Variants in C2orf76 observed in about 807,000 individuals in gnomAD.
C2orf76 encodes the protein chromosome 2 open reading frame 76.
A neutral mutation model predicts 16.9 loss-of-function variants in C2orf76; 23 were observed. That is an observed-to-expected ratio of 1.36 (90% CI 0.98 to 1.93). The LOEUF (loss-of-function observed/expected upper bound fraction) is 1.93, where lower values mean the gene tolerates loss of function less well. Among genes scored for constraint, C2orf76 ranks in the 30% most tolerant of loss-of-function variants. The pLI, the probability that C2orf76 is intolerant of heterozygous loss-of-function variation, is 0.00. For missense variants in C2orf76, 152 were observed against 152.6 expected, an observed-to-expected ratio of 1.00 and a Z score of 0.02; for synonymous variants, 48 against 52.3, an observed-to-expected ratio of 0.92 and a Z score of 0.35.
At chr2:119,285,854 G>T in the C2orf76 span, among the ~76,000 whole-genome samples, 1 of 152,318 alleles carries the variant, frequency 6.6e-6, no homozygotes, top group East Asian at 1.9e-4. Context: ...CCCAGTGTGT[G>T]CAGGCCATGG....
intron 2 of C2orf76, among the ~76,000 whole-genome samples, chr2:119,330,659 C>T (rs1679648748): frequency 6.6e-6 from 1 of 152,004 alleles, no homozygotes; most frequent in African/African-American, 2.4e-5. Flanking sequence ...TTCTGTCCCC[C>T]GTCCCTCTCT....
chr2:119,300,226 CCACA>C (rs1476165502), downstream of C2orf76, among the ~76,000 whole-genome samples: 3 of 152,174 alleles, frequency 2.0e-5, no homozygotes, highest in Non-Finnish European at 4.4e-5. Flanking sequence ...AAATTAACTA[CCACA>C]CCATATTTGC....
At chr2:119,308,724 A>G (rs1032963401) in intron 5 of C2orf76, among the ~76,000 whole-genome samples, 1 of 152,226 alleles carries the variant, frequency 6.6e-6, no homozygotes, top group Non-Finnish European at 1.5e-5. Flanking sequence ...ATCAAGCTCT[A>G]CATCAGTGCT....
At chr2:119,367,064 C>T (rs1408938500), upstream of C2orf76, 1 of 1,614,052 alleles carries the variant, frequency 6.2e-7, no homozygotes, top group South Asian at 1.1e-5. Context: ...GTCTCAGGTA[C>T]AGCGCGTGCA....
chr2:119,302,569 G>A, intron 5 of C2orf76, 21 bp from the exon 6 acceptor site: 1 of 1,444,952 alleles, frequency 6.9e-7, no homozygotes, highest in Admixed American at 2.1e-5. Context: ...ACAGAAAATG[G>A]AAAAAAAGAT....
chr2:119,339,575 T>TA (rs11443971), intron 2 of C2orf76, among the ~76,000 whole-genome samples: 61,941 of 141,528 alleles, frequency 0.44, 13,291 homozygotes, highest in Non-Finnish European at 0.49. Flanking sequence ...TACTTTTAAT[T>TA]AAAAAAAAAA....
intron 1 of C2orf76, 74 bp from the exon 2 acceptor site, chr2:119,340,045 C>G: frequency 1.3e-6 from 2 of 1,502,774 alleles, no homozygotes. Context: ...GCCTGCATCT[C>G]TATCAGCTCT....
intron 2 of C2orf76, among the ~76,000 whole-genome samples, chr2:119,338,046 A>G (rs961392131): frequency 6.6e-6 from 1 of 152,234 alleles, no homozygotes; most frequent in Non-Finnish European, 1.5e-5. Context: ...ATTATAAAAT[A>G]AAAAAGTACG....
At chr2:119,296,968 T>C in the C2orf76 span, among the ~76,000 whole-genome samples, 2 of 152,230 alleles carry the variant, frequency 1.3e-5, no homozygotes, top group African/African-American at 4.8e-5. Flanking sequence ...AGACCTGCTC[T>C]TTGACTTATC....
At chr2:119,350,080 CCCCA>C in intron 1 of C2orf76, among the ~76,000 whole-genome samples, 1 of 129,618 alleles carries the variant, frequency 7.7e-6, no homozygotes, top group Non-Finnish European at 1.7e-5. Context: ...CCCCCCGCCC[CCCCA>C]CCGTCCCGCG....
intron 5 of C2orf76, among the ~76,000 whole-genome samples, chr2:119,304,569 T>A (rs906260916): frequency 1.3e-5 from 2 of 152,234 alleles, no homozygotes; most frequent in African/African-American, 4.8e-5. Context: ...AGATTTTATT[T>A]TCAGATGACT....
the C2orf76 span, among the ~76,000 whole-genome samples, chr2:119,293,417 G>A: frequency 8.5e-5 from 13 of 152,186 alleles, no homozygotes; most frequent in South Asian, 1.0e-3. Context: ...GCCCTGGGGC[G>A]TGCATATGTT....
At chr2:119,363,612 G>A (rs188993336) in intron 1 of C2orf76, among the ~76,000 whole-genome samples, 2 of 152,206 alleles carry the variant, frequency 1.3e-5, no homozygotes, top group Non-Finnish European at 2.9e-5. Flanking sequence ...TCCTGAAATC[G>A]TAGTTCATTT....
chr2:119,339,993 C>A, intron 1 of C2orf76, 22 bp from the exon 2 acceptor site: 1 of 1,596,652 alleles, frequency 6.3e-7, no homozygotes, highest in Middle Eastern at 1.7e-4. Flanking sequence ...GACATGAGAA[C>A]CATCTAAATG....
At chr2:119,284,493 C>T in the C2orf76 span, among the ~76,000 whole-genome samples, 1 of 152,116 alleles carries the variant, frequency 6.6e-6, no homozygotes, top group South Asian at 2.1e-4. Flanking sequence ...CCCATAGAGC[C>T]CCCAAGAGGC....
chr2:119,357,069 AG>A (rs1035922995), intron 1 of C2orf76, among the ~76,000 whole-genome samples: 11 of 152,284 alleles, frequency 7.2e-5, no homozygotes, highest in African/African-American at 2.6e-4. Flanking sequence ...GAAGGAAGGA[AG>A]GAAGGAGAAA....
chr2:119,347,254 T>C (rs72831208), intron 1 of C2orf76, among the ~76,000 whole-genome samples: 21,967 of 152,070 alleles, frequency 0.14, 2,172 homozygotes, highest in African/African-American at 0.29. Flanking sequence ...CAAGTTCAGA[T>C]GGTGGAAAAT....
the C2orf76 span, among the ~76,000 whole-genome samples, chr2:119,285,926 G>A: frequency 1.3e-5 from 2 of 152,078 alleles, no homozygotes; most frequent in Non-Finnish European, 2.9e-5. Flanking sequence ...GGGAAGGTCA[G>A]TATATAAAAA....
downstream of C2orf76, among the ~76,000 whole-genome samples, chr2:119,297,775 G>C (rs375967372): frequency 6.6e-5 from 10 of 152,300 alleles, no homozygotes; most frequent in East Asian, 1.5e-3. Context: ...GGGATTACAG[G>C]TGTGAGCCAC....
Sources: gnomAD v4.1 joint callset for allele counts (sites outside exome capture counted in the v4.1 genomes callset) on GRCh38, gnomAD v4.1.1 for gene constraint, MANE v1.5 for transcripts, NCBI Gene and HGNC (gene_info 2026-07-23, HGNC 2026-07-21) for gene names.